The following DOCK4 variants were observed in gnomAD, a reference collection of about 807,000 sequenced individuals.
The protein encoded by DOCK4 is dedicator of cytokinesis 4.
A neutral mutation model predicts 268.1 loss-of-function variants in DOCK4; 97 were observed. That is an observed-to-expected ratio of 0.36 (90% CI 0.31 to 0.43). DOCK4 has a LOEUF of 0.43. DOCK4 is among the 20% of genes least tolerant of loss of function. DOCK4 has a pLI of 1.00. For missense variants in DOCK4, 2,145 were observed against 2,455.7 expected (o/e 0.87, Z 2.67); for synonymous variants, 954 against 887.2 (o/e 1.08, Z -1.34).
intron 1 of DOCK4, among the ~76,000 whole-genome samples, chr7:112,202,984 A>G (rs915681742): frequency 6.6e-5 from 10 of 152,164 alleles, no homozygotes; most frequent in African/African-American, 2.2e-4. Flanking sequence ...CAAGTGAGAT[A>G]TGTCACAACA....
chr7:112,162,420 G>T (rs1323083613), intron 1 of DOCK4, among the ~76,000 whole-genome samples: 1 of 152,014 alleles, frequency 6.6e-6, no homozygotes, highest in African/African-American at 2.4e-5. Flanking sequence ...ACAACCAGAA[G>T]TAGGAATGTG....
chr7:111,931,764 G>C (rs903700762), intron 12 of DOCK4, among the ~76,000 whole-genome samples: 1 of 152,210 alleles, frequency 6.6e-6, no homozygotes, highest in Non-Finnish European at 1.5e-5. Context: ...ATTTCAGCTA[G>C]TGGCTTTAAA....
At chr7:112,196,702 G>A (rs1042419390) in intron 1 of DOCK4, among the ~76,000 whole-genome samples, 9 of 152,112 alleles carry the variant, frequency 5.9e-5, no homozygotes, top group Admixed American at 2.6e-4. Flanking sequence ...AGGCCTCTCT[G>A]TTTAATAAGG....
Position 112,074,918 on chromosome 7 carries a change from T to C in DOCK4, c.38-70787A>G, listed in dbSNP as rs148390379. On this transcript the variant is annotated intron_variant, in intron 1 of 52. Coordinates refer to ENST00000428084, the MANE Select transcript of DOCK4 (RefSeq NM_001363540.2). ...ACAGGGCTCCTCCTCTAAGTTTCTATGTTCAAATAACCCAATCTCTTTCCT... is the reference window on the plus strand; with the variant it reads ...ACAGGGCTCCTCCTCTAAGTTTCTACGTTCAAATAACCCAATCTCTTTCCT... 7.5e-3 allele frequency among the ~76,000 whole-genome samples: 1,142 copies of C among 152,328 alleles called. 8 individuals carry two copies. Among genetic ancestry groups the C allele is most frequent in the Non-Finnish European group, 0.013 (858 of 68,034 alleles).
chr7:111,790,830 C>CA (rs1799475264), intron 30 of DOCK4, among the ~76,000 whole-genome samples: 1 of 151,630 alleles, frequency 6.6e-6, no homozygotes, highest in Non-Finnish European at 1.5e-5. Flanking sequence ...GAGGCTGAGG[C>CA]TGCAGATCAC....
At chr7:112,023,578 T>C (rs962964394) in intron 1 of DOCK4, 1 of 434,186 alleles carries the variant, frequency 2.3e-6, no homozygotes, top group African/African-American at 2.1e-5. Context: ...TTTTAGGTTA[T>C]TAGCCTTTCT....
intron 1 of DOCK4, among the ~76,000 whole-genome samples, chr7:112,054,642 G>A (rs1805659577): frequency 6.6e-6 from 1 of 152,012 alleles, no homozygotes; most frequent in Non-Finnish European, 1.5e-5. Flanking sequence ...AAAAAAAGAT[G>A]TTTCATGCAA....
rs556362200 is a variant in DOCK4, at chr7:112,072,665, G to A, written c.38-68534C>T. 3.3e-5 allele frequency among the ~76,000 whole-genome samples: 5 copies of A among 152,174 alleles called. No individual in the cohort carries two copies. The East Asian group carries it at 9.6e-4, about 29-fold the overall frequency. ...ACCATCAGGTGATGGTCAGGAGGTT[G>A]TTAAACTGTCTCCCTAAAATAGTAT... On this transcript the variant is annotated intron_variant, in intron 1 of 52. Transcript: ENST00000428084.
At position 112,105,848 on chromosome 7, in the gene DOCK4, C is replaced by T. The variant is rs562948582; in HGVS notation, c.37+100254G>A. On this transcript the variant is annotated intron_variant, in intron 1 of 52. Transcript: ENST00000428084. Reference sequence around the variant, plus strand: ...GGACTATAGGCATAAGCCACAATGTCTGGCTAATTTTGAAAAAATTTTTGT... The same window carrying T: ...GGACTATAGGCATAAGCCACAATGTTTGGCTAATTTTGAAAAAATTTTTGT... Among the ~76,000 whole-genome samples, 3 of 152,258 alleles carry T rather than the reference C, an allele frequency of 2.0e-5. No individual in the cohort carries two copies. The South Asian group carries it at 6.2e-4, about 32-fold the overall frequency.
intron 1 of DOCK4, among the ~76,000 whole-genome samples, chr7:112,053,595 C>A (rs1453381550): frequency 1.3e-5 from 2 of 152,146 alleles, no homozygotes; most frequent in East Asian, 3.9e-4. Flanking sequence ...TTTAAAAGGG[C>A]TCTTTCCAAA....
chr7:111,976,706 A>T (rs1798233418), intron 8 of DOCK4: 1 of 152,508 alleles, frequency 6.6e-6, no homozygotes, highest in Non-Finnish European at 1.5e-5. Context: ...CTAAGTATTT[A>T]GTTGTCTCTT....
At chr7:111,851,382 T>G (rs1804535236) in intron 23 of DOCK4, among the ~76,000 whole-genome samples, 1 of 148,716 alleles carries the variant, frequency 6.7e-6, no homozygotes, top group Admixed American at 6.8e-5. Context: ...GAGGCAGAGG[T>G]TGCAGTGAGC....
At position 111,895,705 on chromosome 7, in the gene DOCK4, T is replaced by G; in HGVS notation, c.1494A>C (p.Gly498=). 1.2e-6 allele frequency: 2 copies of G among 1,613,930 alleles called. No individual in the cohort carries two copies. The highest frequency in any genetic ancestry group is 4.5e-5 in the East Asian group (2 of 44,880). ...EFRHCSTKEK[G]EKKLFGFSFV... Reference sequence around the variant, plus strand: ...AAGAAAACCCAAACAACTTCTTCTCTCCTTTCTCCTTTGCTGTAAAAAACA... The same window carrying G: ...AAGAAAACCCAAACAACTTCTTCTCGCCTTTCTCCTTTGCTGTAAAAAACA... The change falls in exon 16 of 53, where the codon GGA becomes GGC. Residue 498 remains glycine (G), a synonymous_variant. Coordinates refer to ENST00000428084, the MANE Select transcript of DOCK4 (RefSeq NM_001363540.2).
Position 112,150,692 on chromosome 7 carries a change from C to T in DOCK4, c.37+55410G>A, listed in dbSNP as rs151109522. On this transcript the variant is annotated intron_variant, in intron 1 of 52. Transcript: ENST00000428084. ...TCCAGTTTTGAATAAAGCTCCAAGCCCTCCACTCCAGCAGTCCTCACAGCT... is the reference window on the plus strand; with the variant it reads ...TCCAGTTTTGAATAAAGCTCCAAGCTCTCCACTCCAGCAGTCCTCACAGCT... Among the ~76,000 whole-genome samples, 3 of 152,238 alleles carry T rather than the reference C, an allele frequency of 2.0e-5. No individual in the cohort carries two copies. The East Asian group carries it at 5.8e-4, about 29-fold the overall frequency.
intron 8 of DOCK4, among the ~76,000 whole-genome samples, chr7:111,947,676 C>T (rs1482034272): frequency 6.6e-6 from 1 of 152,162 alleles, no homozygotes; most frequent in Non-Finnish European, 1.5e-5. Context: ...TATAAGCTCT[C>T]TTCACAGTAA....
intron 24 of DOCK4, among the ~76,000 whole-genome samples, chr7:111,846,042 T>C (rs1586158002): frequency 6.6e-6 from 1 of 152,136 alleles, no homozygotes; most frequent in East Asian, 1.9e-4. Context: ...GTTCCTCTTA[T>C]TACACTTCCA....
intron 1 of DOCK4, among the ~76,000 whole-genome samples, chr7:112,119,707 T>G (rs1812546703): frequency 6.6e-6 from 1 of 152,176 alleles, no homozygotes; most frequent in African/African-American, 2.4e-5. Flanking sequence ...GGGAACTCAC[T>G]GATTCTTCTG....
rs922956080 is a variant in DOCK4, at chr7:111,782,928, A to G, written c.3525-4T>C. The stretch of plus-strand genomic sequence containing the variant: ...CTCTCCCATTTTCATGCAGTCCCTA[A>G]AAACAAAAAGCAATAGTCAGAACTC... On this transcript the variant is annotated splice_polypyrimidine_tract_variant and splice_region_variant and intron_variant, in intron 34 of 52. Transcript: ENST00000428084. The G allele has an allele frequency of 6.2e-7, 1 of 1,613,132 alleles. No individual in the cohort carries two copies. Among genetic ancestry groups the G allele is most frequent in the African/African-American group, 1.3e-5 (1 of 74,848 alleles).
rs568297025 is a variant in DOCK4, at chr7:112,095,774, A to G, written c.38-91643T>C. On this transcript the variant is annotated intron_variant, in intron 1 of 52. Coordinates refer to ENST00000428084, the MANE Select transcript of DOCK4 (RefSeq NM_001363540.2). ...GTGCTTTGTAATAAAATAAAAATAA[A>G]AAATAAATGGGTATAATGTCTTTTA... Among the ~76,000 whole-genome samples the G allele has an allele frequency of 1.3e-4, 18 of 139,510 alleles. No individual in the cohort carries two copies. The South Asian group carries it at 4.4e-3, about 34-fold the overall frequency. 91.5% of individuals were successfully genotyped at this position (139,510 alleles called of 152,430 possible).
Sources: allele counts gnomAD v4.1 joint callset (sites outside exome capture counted in the v4.1 genomes callset), GRCh38; gene constraint gnomAD v4.1.1; transcripts MANE v1.5; gene names NCBI Gene and HGNC (gene_info 2026-07-23, HGNC 2026-07-21).